Variants in NRP2 observed in about 807,000 individuals in gnomAD.
NRP2 encodes neuropilin 2.
NRP2 carries 52 observed loss-of-function variants against 110.4 expected under a neutral mutation model. That is an observed-to-expected ratio of 0.47 (90% CI 0.38 to 0.59). The LOEUF (loss-of-function observed/expected upper bound fraction) is 0.59, where lower values mean the gene tolerates loss of function less well. NRP2 is among the 20% of genes least tolerant of loss of function. The probability of loss-of-function intolerance (pLI) is 0.00; values close to 1 mark genes in which losing one functional copy is unlikely to be tolerated. For missense variants in NRP2, 1,049 were observed against 1,203.0 expected, an observed-to-expected ratio of 0.87 and a Z score of 1.89; for synonymous variants, 508 against 468.9, an observed-to-expected ratio of 1.08 and a Z score of -1.08.
At chr2:205,788,776 G>C (rs1415546434) in intron 15 of NRP2, among the ~76,000 whole-genome samples, 1 of 152,158 alleles carries the variant, frequency 6.6e-6, no homozygotes, top group Non-Finnish European at 1.5e-5. Flanking sequence ...AATTTGGCAT[G>C]GGTGAGTCTT....
At position 205,797,130 on chromosome 2, in the gene NRP2, A is replaced by G. The variant is rs1335337612; in HGVS notation, c.*2072A>G. ...TGTTGTGACTTTGACCTAGGGTCCG[A>G]GTGTCACAGCTGATCTTGGCACTCG... On this transcript the variant is annotated 3_prime_UTR_variant, in exon 17 of 17. Coordinates refer to ENST00000357785, the MANE Select transcript of NRP2 (RefSeq NM_003872.3). 6.6e-6 allele frequency: 1 copy of G among 152,602 alleles called. No individual in the cohort carries two copies. The highest frequency in any genetic ancestry group is 2.4e-5 in the African/African-American group (1 of 41,416). 9.5% of individuals were successfully genotyped at this position (152,602 alleles called of 1,614,324 possible).
chr2:205,773,260 C>T (rs1291842056), intron 15 of NRP2, among the ~76,000 whole-genome samples: 1 of 152,182 alleles, frequency 6.6e-6, no homozygotes, highest in Non-Finnish European at 1.5e-5. Context: ...AACTTCTAGC[C>T]CCCAGCTGCA....
chr2:205,714,329 C>T (rs2105787014), intron 2 of NRP2, among the ~76,000 whole-genome samples: 1 of 152,312 alleles, frequency 6.6e-6, no homozygotes, highest in African/African-American at 2.4e-5. Flanking sequence ...GGGATTGGGA[C>T]TCTTGCGCTC....
At chr2:205,773,062 G>A (rs1314495386) in intron 15 of NRP2, among the ~76,000 whole-genome samples, 1 of 152,212 alleles carries the variant, frequency 6.6e-6, no homozygotes, top group Non-Finnish European at 1.5e-5. Context: ...GATTGCTGAT[G>A]TTGTCTGGGA....
At chr2:205,770,556 A>G (rs1223291803) in intron 15 of NRP2, among the ~76,000 whole-genome samples, 2 of 152,090 alleles carry the variant, frequency 1.3e-5, no homozygotes, top group Non-Finnish European at 2.9e-5. Flanking sequence ...CACCAGGGTA[A>G]GGTCCCCCAT....
At chr2:205,683,422 GC>G (rs2056060068) in intron 1 of NRP2, 59 bp downstream of exon 1, 1 of 1,261,138 alleles carries the variant, frequency 7.9e-7, no homozygotes, top group Non-Finnish European at 1.2e-6. Context: ...AAAAGTGACC[GC>G]TAAAGCAGGA....
intron 1 of NRP2, among the ~76,000 whole-genome samples, chr2:205,688,851 CA>C (rs1455020240): frequency 1.2e-5 from 1 of 80,536 alleles, no homozygotes; most frequent in East Asian, 3.3e-3. Context: ...AACAAAAAAA[CA>C]AAACAAAACA....
At chr2:205,785,187 A>G (rs2058222527) in intron 15 of NRP2, among the ~76,000 whole-genome samples, 1 of 152,232 alleles carries the variant, frequency 6.6e-6, no homozygotes, top group Non-Finnish European at 1.5e-5. Context: ...CACATTGGAA[A>G]TGGATGCAGT....
intron 11 of NRP2, among the ~76,000 whole-genome samples, chr2:205,750,139 C>T (rs1056337620): frequency 6.6e-6 from 1 of 152,226 alleles, no homozygotes; most frequent in Non-Finnish European, 1.5e-5. Flanking sequence ...ATTTGTTGAG[C>T]CCTCACTATC....
chr2:205,699,040 C>T (rs1344675157), intron 2 of NRP2, among the ~76,000 whole-genome samples: 2 of 152,200 alleles, frequency 1.3e-5, no homozygotes, highest in Non-Finnish European at 2.9e-5. Flanking sequence ...TGGTTTTCTC[C>T]TAACAAGAGG....
chr2:205,767,238 A>G (rs1247997078), intron 15 of NRP2: 1 of 317,172 alleles, frequency 3.2e-6, no homozygotes, highest in Non-Finnish European at 6.1e-6. Context: ...GTTCCAGGGT[A>G]CCAAGGCAGC....
chr2:205,716,438 C>T (rs1181545991), intron 3 of NRP2, 64 bp downstream of exon 3: 2 of 1,570,924 alleles, frequency 1.3e-6, no homozygotes, highest in South Asian at 1.1e-5. Flanking sequence ...GGGACAGCAC[C>T]CAGTGGGCTG....
chr2:205,683,671 C>T (rs1354560519), intron 1 of NRP2, among the ~76,000 whole-genome samples: 2 of 152,156 alleles, frequency 1.3e-5, no homozygotes, highest in East Asian at 3.8e-4. Flanking sequence ...AAAGCCTTTG[C>T]ATTACAGTTT....
intron 7 of NRP2, among the ~76,000 whole-genome samples, 187 bp downstream of exon 7, chr2:205,728,233 C>T (rs961279389): frequency 6.6e-5 from 10 of 152,170 alleles, no homozygotes; most frequent in East Asian, 1.9e-4. Context: ...TGGAAAACAC[C>T]GTTTCTCTGA....
intron 11 of NRP2, among the ~76,000 whole-genome samples, chr2:205,751,150 A>G (rs1171934888): frequency 1.3e-5 from 2 of 152,174 alleles, no homozygotes; most frequent in African/African-American, 4.8e-5. Flanking sequence ...GGGAGTTAAC[A>G]TACGATATTG....
At chr2:205,711,656 G>A (rs1575571352) in intron 2 of NRP2, among the ~76,000 whole-genome samples, 1 of 152,222 alleles carries the variant, frequency 6.6e-6, no homozygotes. Flanking sequence ...CAAAGGTTAT[G>A]ATGTCAGGAC....
intron 12 of NRP2, among the ~76,000 whole-genome samples, chr2:205,759,012 T>C (rs575314531): frequency 1.1e-4 from 17 of 152,094 alleles, no homozygotes; most frequent in South Asian, 2.1e-4. Context: ...TGGTGGGCCA[T>C]AAATCGGGAG....
chr2:205,772,014 C>T (rs2058030328), intron 15 of NRP2, among the ~76,000 whole-genome samples: 1 of 152,370 alleles, frequency 6.6e-6, no homozygotes, highest in African/African-American at 2.4e-5. Flanking sequence ...CTGGTTCTAG[C>T]CGTGACTCTG....
At chr2:205,751,960 A>G (rs1370314087) in intron 11 of NRP2, among the ~76,000 whole-genome samples, 1 of 152,178 alleles carries the variant, frequency 6.6e-6, no homozygotes, top group Non-Finnish European at 1.5e-5. Context: ...CATATTTGGC[A>G]TTAGCTCATA....
Sources: allele counts gnomAD v4.1 joint callset (sites outside exome capture counted in the v4.1 genomes callset), GRCh38; gene constraint gnomAD v4.1.1; transcripts MANE v1.5; gene names NCBI Gene and HGNC (gene_info 2026-07-23, HGNC 2026-07-21).